CDH13: variants seen among roughly 807,000 people sequenced by gnomAD.
CDH13 encodes the protein cadherin-13.
In CDH13, 24 loss-of-function variants were observed where a neutral mutation model predicts 63.8. The observed-to-expected ratio is 0.38, with a 90% CI of 0.27 to 0.53. CDH13 has a LOEUF of 0.53. Among genes scored for constraint, CDH13 ranks in the 20% least tolerant of loss-of-function variants. CDH13 has a pLI of 0.85. For missense variants in CDH13, 1,049 were observed against 903.1 expected, an observed-to-expected ratio of 1.16 and a Z score of -2.07; for synonymous variants, 503 against 355.3, an observed-to-expected ratio of 1.42 and a Z score of -4.67.
chr16:83,227,863 T>C (rs1424581424), intron 5 of CDH13, among the ~76,000 whole-genome samples: 1 of 152,192 alleles, frequency 6.6e-6, no homozygotes, highest in Non-Finnish European at 1.5e-5. Context: ...GGCACCCAAC[T>C]TGTGTTAGCC....
rs536669291 is a variant in CDH13 at position 83,474,243 on chromosome 16, T to C, written c.782-12234T>C. Among the ~76,000 whole-genome samples, 206 of 152,340 alleles carry C rather than the reference T, an allele frequency of 1.4e-3. 4 individuals are homozygous for C. In the South Asian group the frequency reaches 0.04, roughly 29 times the overall value. The stretch of plus-strand genomic sequence containing the variant: ...TCTCCTCCTCAGTGCCCCCTATATT[T>C]TACCTGCATCTTTAAGCCAACTTTA... On this transcript the variant is annotated intron_variant, in intron 6 of 13. Transcript: ENST00000567109.
At chr16:82,832,724 TG>T (rs35408628) in intron 1 of CDH13, among the ~76,000 whole-genome samples, 29,133 of 152,100 alleles carry the variant, frequency 0.19, 2,970 homozygotes, top group Middle Eastern at 0.27. Context: ...AGTAAGCTTT[TG>T]CATCTGGATC....
intron 5 of CDH13, among the ~76,000 whole-genome samples, chr16:83,260,321 CAT>C (rs1033851931): frequency 3.3e-5 from 5 of 152,088 alleles, no homozygotes; most frequent in South Asian, 2.1e-4. Context: ...TAGGTAAGAA[CAT>C]ATTTCTGCAA....
intron 5 of CDH13, among the ~76,000 whole-genome samples, chr16:83,302,912 G>T (rs901400521): frequency 1.3e-5 from 2 of 152,300 alleles, no homozygotes; most frequent in Admixed American, 1.3e-4. Flanking sequence ...GTCAGAGGAA[G>T]GGCAGACTTC....
At chr16:83,660,938 AT>A (rs1567493213) in intron 8 of CDH13, among the ~76,000 whole-genome samples, 1 of 150,560 alleles carries the variant, frequency 6.6e-6, no homozygotes, top group African/African-American at 2.4e-5. Context: ...AGAAAAAAAA[AT>A]GTAGGCATAT....
At chr16:83,239,622 C>G (rs765554233) in intron 5 of CDH13, among the ~76,000 whole-genome samples, 3 of 152,300 alleles carry the variant, frequency 2.0e-5, no homozygotes, top group Non-Finnish European at 2.9e-5. Flanking sequence ...CTTTCTGTGA[C>G]TGAGGTGATT....
chr16:83,273,618 TAAG>T, intron 5 of CDH13, among the ~76,000 whole-genome samples: 2 of 152,232 alleles, frequency 1.3e-5, no homozygotes, highest in Admixed American at 1.3e-4. Flanking sequence ...TATGAATTCT[TAAG>T]AAGCCAACAG....
intron 3 of CDH13, among the ~76,000 whole-genome samples, chr16:83,062,962 A>ATTTTTT (rs61186735): frequency 7.5e-6 from 1 of 134,090 alleles, no homozygotes; most frequent in Non-Finnish European, 1.6e-5. Context: ...GGTGGTTGGC[A>ATTTTTT]TTTTTTTTTT....
chr16:83,260,097 TAC>T (rs61647390), intron 5 of CDH13, among the ~76,000 whole-genome samples: 19,569 of 126,260 alleles, frequency 0.15, 1,880 homozygotes, highest in African/African-American at 0.28. Flanking sequence ...GTACCCCCAA[TAC>T]ACACACACAC....
intron 1 of CDH13, among the ~76,000 whole-genome samples, chr16:82,790,583 G>A (rs1012431489): frequency 6.6e-6 from 1 of 152,206 alleles, no homozygotes; most frequent in South Asian, 2.1e-4. Context: ...TAGTAGGGTA[G>A]TGTATTAGTC....
intron 4 of CDH13, among the ~76,000 whole-genome samples, chr16:83,203,746 C>A (rs890428453): frequency 6.6e-6 from 1 of 151,738 alleles, no homozygotes; most frequent in South Asian, 2.1e-4. Flanking sequence ...TAACCTTTCC[C>A]TGGGAACAGT....
intron 3 of CDH13, among the ~76,000 whole-genome samples, chr16:83,065,340 T>C (rs1349212195): frequency 6.6e-6 from 1 of 152,156 alleles, no homozygotes; most frequent in Non-Finnish European, 1.5e-5. Context: ...TGTTGAATGC[T>C]GGTACAAAGA....
chr16:83,659,599 TCTGAAAG>T (rs1221205797), intron 8 of CDH13, among the ~76,000 whole-genome samples: 1 of 152,222 alleles, frequency 6.6e-6, no homozygotes, highest in Non-Finnish European at 1.5e-5. Context: ...AAGAACGATC[TCTGAAAG>T]CAGGACCCCA....
At chr16:83,294,188 A>C (rs2089533142) in intron 5 of CDH13, among the ~76,000 whole-genome samples, 1 of 152,204 alleles carries the variant, frequency 6.6e-6, no homozygotes, top group African/African-American at 2.4e-5. Flanking sequence ...GGAATGATTA[A>C]ATCTAGCTAA....
chr16:82,658,016 T>G (rs1481626576), intron 1 of CDH13, among the ~76,000 whole-genome samples: 1 of 152,250 alleles, frequency 6.6e-6, no homozygotes, highest in Non-Finnish European at 1.5e-5. Context: ...AAAGCTAGTT[T>G]CCTACCATGA....
intron 10 of CDH13, 149 bp downstream of exon 10, chr16:83,678,610 A>C: frequency 9.5e-7 from 1 of 1,048,426 alleles, no homozygotes; most frequent in Non-Finnish European, 1.4e-6. Context: ...CATAGAGAGG[A>C]GGTTGTGGCT....
chr16:83,699,686 T>C (rs1905922478), intron 10 of CDH13, among the ~76,000 whole-genome samples: 4 of 152,176 alleles, frequency 2.6e-5, no homozygotes, highest in Admixed American at 2.6e-4. Context: ...TCAGAATTGG[T>C]TGCATGTGAT....
chr16:83,086,436 G>C (rs1308485640), intron 3 of CDH13, among the ~76,000 whole-genome samples: 1 of 152,136 alleles, frequency 6.6e-6, no homozygotes, highest in Non-Finnish European at 1.5e-5. Context: ...AGACTCATTA[G>C]GGTGACGATG....
intron 1 of CDH13, chr16:82,719,511 T>C: frequency 2.2e-6 from 1 of 451,732 alleles, no homozygotes; most frequent in Non-Finnish European, 4.5e-6. Context: ...GTGATGGAAG[T>C]GGAGCTGGGG....
Sources: allele counts gnomAD v4.1 joint callset (sites outside exome capture counted in the v4.1 genomes callset), GRCh38; gene constraint gnomAD v4.1.1; transcripts MANE v1.5; gene names NCBI Gene and HGNC (gene_info 2026-07-23, HGNC 2026-07-21).